KCTD15: variants seen among roughly 807,000 people sequenced by gnomAD.
KCTD15 encodes BTB/POZ domain-containing protein KCTD15.
KCTD15 carries 11 observed loss-of-function variants against 27.2 expected under a neutral mutation model. The observed-to-expected ratio is 0.41, with a 90% CI of 0.25 to 0.67. The LOEUF is 0.67. Among genes scored for constraint, KCTD15 ranks in the 30% least tolerant of loss-of-function variants. The pLI is 0.35. For synonymous variants in KCTD15, 163 were observed against 176.0 expected (o/e 0.93, Z 0.58); for missense variants, 350 against 409.3 (o/e 0.86, Z 1.25).
At chr19:33,797,301 C>T in intron 1 of KCTD15, 1 of 361,814 alleles carries the variant, frequency 2.8e-6, no homozygotes, top group South Asian at 1.9e-5. Context: ...CGCGCGCGCG[C>T]GCTTGTGGAG....
chr19:33,807,489 C>T (rs547135293), intron 5 of KCTD15, among the ~76,000 whole-genome samples: 57 of 152,208 alleles, frequency 3.7e-4, no homozygotes, highest in Non-Finnish European at 7.6e-4. Context: ...TTTGGGAGGC[C>T]GAGGCGGGTG....
In KCTD15 at chr19:33,811,425, T is replaced by G. The variant is rs1975910613; in HGVS notation, c.566T>G (p.Leu189Arg). Reference sequence around the variant, plus strand: ...ATCGCACTCAGCGGCGAGAAGGCCCTCATCGAGGAGGTCTTCCCCGAGACC... The same window carrying G: ...ATCGCACTCAGCGGCGAGAAGGCCCGCATCGAGGAGGTCTTCCCCGAGACC... ...ERIALSGEKA[L>R]IEEVFPETGD... Residue 189 changes from leucine to arginine, a missense_variant, in exon 6 of 7, where the codon CTC becomes CGC. Coordinates refer to ENST00000683859, the MANE Select transcript of KCTD15 (RefSeq NM_001129994.2). 6.2e-7 allele frequency: 1 copy of G among 1,611,800 alleles called. No homozygotes were observed. Among genetic ancestry groups the G allele is most frequent in the African/African-American group, 1.3e-5 (1 of 74,868 alleles).
Position 33,812,816 on chromosome 19 carries a change from T to A in KCTD15, c.720T>A (p.Gly240=). Reference sequence around the variant, plus strand: ...TCCTGGAGCGGCTGTTCCAGAGGGGTTTCAGCGTGGCTGCGTCCTGTGGGG... The same window carrying A: ...TCCTGGAGCGGCTGTTCCAGAGGGGATTCAGCGTGGCTGCGTCCTGTGGGG... The part of the protein sequence containing the change: ...VQVLERLFQR[G]FSVAASCGGG... Residue 240 remains glycine (G), a synonymous_variant, in exon 7 of 7, where the codon GGT becomes GGA. Transcript: ENST00000683859. 2 of 1,500,896 alleles carry A rather than the reference T, an allele frequency of 1.3e-6. No homozygotes were observed. The highest frequency in any genetic ancestry group is 1.8e-6 in the Non-Finnish European group (2 of 1,121,114). 93.0% of individuals were successfully genotyped at this position (1,500,896 alleles called of 1,614,324 possible).
chr19:33,799,337 C>T (rs1975453001), intron 2 of KCTD15, among the ~76,000 whole-genome samples: 1 of 152,224 alleles, frequency 6.6e-6, no homozygotes, highest in East Asian at 1.9e-4. Context: ...AAAGCAATCC[C>T]ATGGGTCCCA....
In KCTD15 at chr19:33,798,728, G is replaced by A. The variant is rs1205772312; in HGVS notation, c.-66G>A. The A allele has an allele frequency of 6.6e-6, 1 of 152,664 alleles. No individual in the cohort carries two copies. Among genetic ancestry groups the A allele is most frequent in the Non-Finnish European group, 1.5e-5 (1 of 68,064 alleles). The allele number at this position is 152,664 out of a possible 1,614,324, so 9.5% of individuals were successfully genotyped here. On this transcript the variant is annotated 5_prime_UTR_variant, in exon 2 of 7. Coordinates refer to ENST00000683859, the MANE Select transcript of KCTD15 (RefSeq NM_001129994.2). ...GATGCGCTTGTTGGGAGAAACCTTGGAGATTCACGGCAAGGCGTAAAGCCT... is the reference window on the plus strand; with the variant it reads ...GATGCGCTTGTTGGGAGAAACCTTGAAGATTCACGGCAAGGCGTAAAGCCT...
upstream of KCTD15, among the ~76,000 whole-genome samples, chr19:33,795,083 T>C (rs1327388848): frequency 1.3e-5 from 2 of 152,228 alleles, no homozygotes; most frequent in Non-Finnish European, 2.9e-5. Flanking sequence ...ATCCATAAAT[T>C]AAGGAAATTA....
rs151006251 is a variant in KCTD15, at chr19:33,810,716, G to T, written c.388-531G>T. 6.6e-5 allele frequency among the ~76,000 whole-genome samples: 10 copies of T among 152,086 alleles called. No individual in the cohort carries two copies. In the East Asian group the frequency reaches 1.9e-3, roughly 29 times the overall value. ...AAAAAAACGAAAAAAAAACCAAGAG[G>T]CTCAGTTAGTGAGGTATAGAGGTTT... On this transcript the variant is annotated intron_variant, in intron 5 of 6. Transcript: ENST00000683859.
Position 33,801,310 on chromosome 19 carries a change from C to G in KCTD15, c.210C>G (p.Ser70Arg). 6.2e-7 allele frequency: 1 copy of G among 1,611,556 alleles called. No individual in the cohort carries two copies. ...IDVGGHMYTS[S>R]LATLTKYPDS... ...TGGGCGGCCACATGTACACCAGCAG[C>G]CTGGCCACGCTCACCAAGTACCCTG... is the stretch of plus-strand genomic sequence containing the variant. The change falls in exon 4 of 7, where the codon AGC becomes AGG. Residue 70 changes from serine (S) to arginine (R), a missense_variant. Around this residue, in one of 3 missense-constraint regions of KCTD15, gnomAD observed 54 missense variants for 101.8 expected, o/e 0.53. Transcript: ENST00000683859.
At chr19:33,804,988 T>C (rs1195393314) in intron 4 of KCTD15, among the ~76,000 whole-genome samples, 1 of 152,188 alleles carries the variant, frequency 6.6e-6, no homozygotes, top group Non-Finnish European at 1.5e-5. Context: ...GAGTACGTGG[T>C]GTGATCTCGG....
At chr19:33,800,315 A>G (rs1407717144) in intron 2 of KCTD15, 113 bp from the exon 3 acceptor site, 2 of 820,006 alleles carry the variant, frequency 2.4e-6, no homozygotes, top group South Asian at 3.2e-5. Flanking sequence ...GGCTGCATGG[A>G]CCTCGCAGGG....
chr19:33,797,247 G>GGTGTGTGT (rs751185346), intron 1 of KCTD15, among the ~76,000 whole-genome samples: 234 of 120,776 alleles, frequency 1.9e-3, no homozygotes, highest in Middle Eastern at 0.014. Flanking sequence ...CCTGCCGCGC[G>GGTGTGTGT]GTGTGTGTGT....
intron 4 of KCTD15, among the ~76,000 whole-genome samples, chr19:33,802,628 G>C (rs1975595609): frequency 6.6e-6 from 1 of 152,004 alleles, no homozygotes; most frequent in South Asian, 2.1e-4. Context: ...GTGGGGTGGG[G>C]ACAAGAGCCA....
At chr19:33,811,922 C>G in intron 6 of KCTD15, 1 of 1,553,926 alleles carries the variant, frequency 6.4e-7, no homozygotes, top group Non-Finnish European at 8.7e-7. Context: ...GAAAGGTGGT[C>G]TGGAGCCCCT....
chr19:33,811,958 C>G (rs1975939858), intron 6 of KCTD15: 1 of 1,511,178 alleles, frequency 6.6e-7, no homozygotes, highest in African/African-American at 1.4e-5. Context: ...ACCTGGGAGT[C>G]GCAGGCACCC....
chr19:33,798,014 C>T (rs1427693266), intron 1 of KCTD15, among the ~76,000 whole-genome samples: 5 of 152,278 alleles, frequency 3.3e-5, no homozygotes, highest in Non-Finnish European at 4.4e-5. Flanking sequence ...CCCGCGGCGC[C>T]TCCAGCCTTG....
upstream of KCTD15, among the ~76,000 whole-genome samples, chr19:33,794,962 G>A (rs1177473119): frequency 2.0e-5 from 3 of 152,236 alleles, no homozygotes; most frequent in Non-Finnish European, 4.4e-5. Flanking sequence ...AGGTACCGGG[G>A]CGTAGGGAGC....
chr19:33,795,549 C>T (rs951955836), upstream of KCTD15, among the ~76,000 whole-genome samples: 11 of 152,056 alleles, frequency 7.2e-5, no homozygotes, highest in East Asian at 2.1e-3. Flanking sequence ...CGGTCCCAGC[C>T]GGTCTCCGGC....
upstream of KCTD15, chr19:33,796,296 G>A (rs1316345310): frequency 6.7e-6 from 1 of 150,250 alleles, no homozygotes. Flanking sequence ...GGGCCGCGGA[G>A]GGCGCTGGGG....
Position 33,815,672 on chromosome 19 carries a change from A to G in KCTD15, c.*2724A>G, listed in dbSNP as rs1284602709. 4.3e-5 allele frequency: 6 copies of G among 138,322 alleles called. No individual in the cohort carries two copies. The highest frequency in any genetic ancestry group is 1.4e-4 in the African/African-American group (5 of 36,024). 8.6% of individuals were successfully genotyped at this position (138,322 alleles called of 1,614,324 possible). A position where few individuals can be genotyped will look rare whatever the true frequency, so the allele number is the denominator to read the frequency against. ...AATGCCAGGTCACAACACTAAGAATATCTTTCAAAAAATGTGTCTTTTTTT... is the reference window on the plus strand; with the variant it reads ...AATGCCAGGTCACAACACTAAGAATGTCTTTCAAAAAATGTGTCTTTTTTT... On this transcript the variant is annotated 3_prime_UTR_variant, in exon 7 of 7. Coordinates refer to ENST00000683859, the MANE Select transcript of KCTD15 (RefSeq NM_001129994.2).
Sources: allele counts gnomAD v4.1 joint callset (sites outside exome capture counted in the v4.1 genomes callset), GRCh38; gene constraint gnomAD v4.1.1; regional missense constraint gnomAD v4.1.1; transcripts MANE v1.5; gene names NCBI Gene and HGNC (gene_info 2026-07-23, HGNC 2026-07-21).